The following ZNF831 variants were observed in gnomAD, a reference collection of about 807,000 sequenced individuals.
ZNF831 encodes chromosome 20 open reading frame 174.
A neutral mutation model predicts 95.8 loss-of-function variants in ZNF831; 59 were observed. The ratio of observed to expected loss-of-function variants is 0.62; its 90% CI spans 0.50 to 0.77. ZNF831 has a LOEUF of 0.77. ZNF831 is among the 30% of genes least tolerant of loss of function. The probability of loss-of-function intolerance (pLI) is 0.00; values close to 1 mark genes in which losing one functional copy is unlikely to be tolerated. For missense variants in ZNF831, 2,205 were observed against 2,164.0 expected, an observed-to-expected ratio of 1.02 and a Z score of -0.38; for synonymous variants, 961 against 925.5, an observed-to-expected ratio of 1.04 and a Z score of -0.70.
chr20:59,162,605 G>A (rs1422192883), upstream of ZNF831, among the ~76,000 whole-genome samples: 3 of 152,026 alleles, frequency 2.0e-5, no homozygotes, highest in Non-Finnish European at 4.4e-5. Context: ...TTGGTTTTAG[G>A]TGTGCAGCTT....
At chr20:59,138,210 A>AATTCAACC (rs1290614000) in intron 1 of ZNF831, among the ~76,000 whole-genome samples, 7 of 152,346 alleles carry the variant, frequency 4.6e-5, no homozygotes, top group Admixed American at 2.0e-4. Context: ...AATTAGGTGT[A>AATTCAACC]ATTCAACCAC....
At chr20:59,241,607 C>A (rs1475039873) in intron 4 of ZNF831, among the ~76,000 whole-genome samples, 1 of 152,112 alleles carries the variant, frequency 6.6e-6, no homozygotes, top group East Asian at 1.9e-4. Context: ...AGCGTAGATT[C>A]TTGAGTAAAT....
Position 59,192,129 on chromosome 20 carries a change from CGCCGAGTCCGAG to C in ZNF831, c.1112_1123del (p.Ala371_Glu374del). The C allele has an allele frequency of 6.4e-7, 1 of 1,570,552 alleles. No individual in the cohort carries two copies. Among genetic ancestry groups the C allele is most frequent in the South Asian group, 1.2e-5 (1 of 85,368 alleles). Reference sequence around the variant, plus strand: ...CCCTGCACAGCCTTTCGGAGCACAGCGCCGAGTCCGAGGGGGAGGGCGGCCCGGGCCCGGGGC... The same window carrying C: ...CCCTGCACAGCCTTTCGGAGCACAGCGGGGAGGGCGGCCCGGGCCCGGGGC... On this transcript the variant is annotated inframe_deletion, in exon 2 of 6. Coordinates refer to ENST00000371030, the MANE Select transcript of ZNF831 (RefSeq NM_178457.3). This position sits in a 1 kb window ranked among gnomAD's most constrained non-coding sequence, Gnocchi z 5.2.
At chr20:59,170,800 C>T (rs1397086527) in intron 1 of ZNF831, among the ~76,000 whole-genome samples, 1 of 152,156 alleles carries the variant, frequency 6.6e-6, no homozygotes. Flanking sequence ...TGTGATTTGC[C>T]CACTGGATAG....
chr20:59,222,283 C>T (rs367629018), intron 4 of ZNF831, among the ~76,000 whole-genome samples: 1 of 152,142 alleles, frequency 6.6e-6, no homozygotes, highest in South Asian at 2.1e-4. Flanking sequence ...TGCAGGGTGC[C>T]CGGGCGGGCG....
chr20:59,219,500 T>C (rs1285242136), intron 4 of ZNF831, among the ~76,000 whole-genome samples: 1 of 152,110 alleles, frequency 6.6e-6, no homozygotes, highest in Non-Finnish European at 1.5e-5. Context: ...AGCTTCCAAA[T>C]GAGGGATCCT....
At chr20:59,195,835 A>C in intron 2 of ZNF831, 34 bp from the exon 3 acceptor site, 1 of 1,599,226 alleles carries the variant, frequency 6.3e-7, no homozygotes, top group Middle Eastern at 1.7e-4. Flanking sequence ...GAGGACTTTG[A>C]GTAATGTGAT....
chr20:59,244,139 A>G (rs1366798212), intron 4 of ZNF831, among the ~76,000 whole-genome samples: 2 of 152,072 alleles, frequency 1.3e-5, no homozygotes, highest in Non-Finnish European at 2.9e-5. Flanking sequence ...CATCAAAGAA[A>G]GAGAAGACGA....
intron 1 of ZNF831, among the ~76,000 whole-genome samples, chr20:59,127,132 G>GAATCCTT (rs1555815984): frequency 2.0e-5 from 3 of 151,622 alleles, no homozygotes; most frequent in African/African-American, 7.3e-5. Context: ...AACTCTCGGA[G>GAATCCTT]GATCCTTTCT....
chr20:59,243,978 A>C (rs1987466735), intron 4 of ZNF831, among the ~76,000 whole-genome samples: 1 of 152,088 alleles, frequency 6.6e-6, no homozygotes, highest in African/African-American at 2.4e-5. Context: ...TCTTCCTCAC[A>C]ATTTATCCTC....
Position 59,167,468 on chromosome 20 carries a change from A to C in ZNF831, c.-37+3261A>C, listed in dbSNP as rs144621319. ...TAACTTCGATGAGGTCCATTTTATT[A>C]TATTTTCCTTTTATGGCTCATACTT... On this transcript the variant is annotated intron_variant, in intron 1 of 5. Coordinates refer to ENST00000371030, the MANE Select transcript of ZNF831 (RefSeq NM_178457.3). Among the ~76,000 whole-genome samples, 1,096 of 151,052 alleles carry C rather than the reference A, an allele frequency of 7.3e-3. 6 individuals are homozygous for C. The highest frequency in any genetic ancestry group is 0.014 in the Middle Eastern group (4 of 284).
Position 59,207,812 on chromosome 20 carries a change from C to A in ZNF831, c.4027+756C>A, listed in dbSNP as rs73618654. 1.4e-4 allele frequency among the ~76,000 whole-genome samples: 21 copies of A among 152,354 alleles called. 1 individual carries two copies. The East Asian group carries it at 4.1e-3, about 29-fold the overall frequency. On this transcript the variant is annotated intron_variant, in intron 4 of 5. Transcript: ENST00000371030. ...TGGCCAGCAGTGCCTGAATTACCATCCTTCTGTGGTTCATTGTTGTCTGTT... is the reference window on the plus strand; with the variant it reads ...TGGCCAGCAGTGCCTGAATTACCATACTTCTGTGGTTCATTGTTGTCTGTT...
chr20:59,123,956 C>G (rs1429739737), intron 1 of ZNF831, among the ~76,000 whole-genome samples: 1 of 152,202 alleles, frequency 6.6e-6, no homozygotes, highest in Non-Finnish European at 1.5e-5. Flanking sequence ...AAAGTTTTGA[C>G]TTCAAACTAG....
intron 1 of ZNF831, among the ~76,000 whole-genome samples, chr20:59,184,410 C>T (rs995626361): frequency 3.3e-5 from 5 of 151,404 alleles, no homozygotes; most frequent in African/African-American, 9.7e-5. Flanking sequence ...TCCCTCCCCC[C>T]TTTTTTTTTA....
intron 2 of ZNF831, among the ~76,000 whole-genome samples, chr20:59,195,326 C>T (rs2146606640): frequency 6.6e-6 from 1 of 152,306 alleles, no homozygotes; most frequent in South Asian, 2.1e-4. Context: ...GTTCACGCAC[C>T]TGGTTGTGAT....
chr20:59,154,841 T>G (rs1344414799), intron 2 of ZNF831, among the ~76,000 whole-genome samples: 1 of 152,244 alleles, frequency 6.6e-6, no homozygotes, highest in Non-Finnish European at 1.5e-5. Flanking sequence ...CTCCCAGGTC[T>G]GTCTTCATAG....
chr20:59,172,355 A>AC (rs1007025208), intron 1 of ZNF831, among the ~76,000 whole-genome samples: 3 of 151,470 alleles, frequency 2.0e-5, no homozygotes, highest in Admixed American at 6.6e-5. Flanking sequence ...CTATTCTGGG[A>AC]CCCCCCAACA....
chr20:59,194,800 T>C, intron 2 of ZNF831, 43 bp downstream of exon 2: 1 of 1,513,164 alleles, frequency 6.6e-7, no homozygotes. Context: ...TGAGAGAGCA[T>C]GTTGTTATCC....
At chr20:59,238,016 A>G (rs1987099677) in intron 4 of ZNF831, among the ~76,000 whole-genome samples, 1 of 152,210 alleles carries the variant, frequency 6.6e-6, no homozygotes, top group African/African-American at 2.4e-5. Context: ...AGACATATTT[A>G]TGCTAAAAAT....
Sources: allele counts gnomAD v4.1 joint callset (sites outside exome capture counted in the v4.1 genomes callset), GRCh38; gene constraint gnomAD v4.1.1; non-coding constraint Gnocchi (gnomAD v3.1); transcripts MANE v1.5; gene names NCBI Gene and HGNC (gene_info 2026-07-23, HGNC 2026-07-21).